FAM135A: variants seen among roughly 807,000 people sequenced by gnomAD.
FAM135A encodes family with sequence similarity 135 member A.
FAM135A carries 79 observed loss-of-function variants against 146.8 expected under a neutral mutation model. The observed-to-expected ratio is 0.54, with a 90% CI of 0.45 to 0.65. The LOEUF is 0.65. FAM135A is among the 30% of genes least tolerant of loss of function. The probability of loss-of-function intolerance (pLI) is 0.00; values close to 1 mark genes in which losing one functional copy is unlikely to be tolerated. For synonymous variants in FAM135A, 562 were observed against 603.6 expected (o/e 0.93, Z 1.01); for missense variants, 1,623 against 1,758.2 (o/e 0.92, Z 1.38).
intron 5 of FAM135A, among the ~76,000 whole-genome samples, chr6:70,455,862 A>AT (rs965304252): frequency 6.6e-6 from 1 of 151,950 alleles, no homozygotes; most frequent in African/African-American, 2.4e-5. Flanking sequence ...ATATTAATTC[A>AT]TTTTTTTTGA....
At chr6:70,552,454 A>G (rs564717594) in intron 20 of FAM135A, among the ~76,000 whole-genome samples, 2 of 144,566 alleles carry the variant, frequency 1.4e-5, no homozygotes, top group East Asian at 4.1e-4. Flanking sequence ...AAGGGGGAAT[A>G]GTTGAAGATT....
intron 12 of FAM135A, among the ~76,000 whole-genome samples, chr6:70,505,144 A>G (rs1383984970): frequency 1.3e-5 from 2 of 152,248 alleles, no homozygotes; most frequent in East Asian, 1.9e-4. Flanking sequence ...TGATAATTAT[A>G]GACATAGTAT....
chr6:70,436,956 CTAAG>C (rs1773305961), intron 4 of FAM135A, among the ~76,000 whole-genome samples: 1 of 152,038 alleles, frequency 6.6e-6, no homozygotes, highest in Non-Finnish European at 1.5e-5. Flanking sequence ...CTTTAAAGGA[CTAAG>C]TGTTATTATG....
intron 2 of FAM135A, among the ~76,000 whole-genome samples, chr6:70,419,418 CAAAAA>C (rs3029152): frequency 6.8e-6 from 1 of 146,030 alleles, no homozygotes; most frequent in African/African-American, 2.5e-5. Context: ...GACTTCGTCT[CAAAAA>C]AAAAAAAAAA....
intron 5 of FAM135A, among the ~76,000 whole-genome samples, chr6:70,468,327 TACATTTATCTACTTTCCAATATAATGG>T (rs1399099222): frequency 6.6e-6 from 1 of 152,212 alleles, no homozygotes. Flanking sequence ...GAACATACAG[TACATTTATCTACTTTCCAATATAATGG>T]ACAGTGCAAA....
chr6:70,510,527 A>G (rs1018725365), intron 12 of FAM135A, among the ~76,000 whole-genome samples: 1 of 152,106 alleles, frequency 6.6e-6, no homozygotes, highest in East Asian at 1.9e-4. Context: ...ATGTAATCAT[A>G]CAACATTTTG....
At chr6:70,529,995 C>T (rs370987076) in intron 16 of FAM135A, among the ~76,000 whole-genome samples, 20 of 151,910 alleles carry the variant, frequency 1.3e-4, no homozygotes, top group East Asian at 9.7e-4. Context: ...ACCTGGGAGG[C>T]GGAGCTTGCG....
intron 18 of FAM135A, among the ~76,000 whole-genome samples, chr6:70,534,579 T>G (rs1049072272): frequency 1.3e-5 from 2 of 152,116 alleles, no homozygotes; most frequent in African/African-American, 2.4e-5. Context: ...CCCAAAGTGC[T>G]GGGATTACAG....
At chr6:70,526,764 C>CAT in intron 15 of FAM135A, 66 bp downstream of exon 15, 1 of 594,104 alleles carries the variant, frequency 1.7e-6, no homozygotes. Flanking sequence ...CACACACACA[C>CAT]ATACACACAC....
chr6:70,423,414 A>G (rs151257094), intron 2 of FAM135A, among the ~76,000 whole-genome samples: 1 of 152,250 alleles, frequency 6.6e-6, no homozygotes, highest in East Asian at 1.9e-4. Context: ...CGAGACATGA[A>G]AGTCTGAGCA....
chr6:70,554,371 G>C (rs1000840897), intron 20 of FAM135A, among the ~76,000 whole-genome samples: 1 of 152,176 alleles, frequency 6.6e-6, no homozygotes, highest in African/African-American at 2.4e-5. Flanking sequence ...GGTCAAATAA[G>C]ATGAGGCCTG....
At chr6:70,502,234 G>GA (rs1206417888) in intron 11 of FAM135A, among the ~76,000 whole-genome samples, 1 of 152,022 alleles carries the variant, frequency 6.6e-6, no homozygotes, top group Non-Finnish European at 1.5e-5. Context: ...GCTAATTGGG[G>GA]AAAAAATCTG....
chr6:70,438,914 T>G (rs1194166389), intron 4 of FAM135A, among the ~76,000 whole-genome samples: 1 of 152,134 alleles, frequency 6.6e-6, no homozygotes, highest in Admixed American at 6.6e-5. Flanking sequence ...CCCAGTACTT[T>G]GGGAAGCTGA....
intron 8 of FAM135A, among the ~76,000 whole-genome samples, chr6:70,479,008 C>T (rs1783180675): frequency 6.6e-6 from 1 of 151,986 alleles, no homozygotes; most frequent in African/African-American, 2.4e-5. Context: ...AAATGTTTAT[C>T]TGTTTATAAA....
chr6:70,524,637 T>C lies in FAM135A; in HGVS notation c.1553T>C (p.Val518Ala), dbSNP rs1254985352. The C allele has an allele frequency of 3.9e-6, 6 of 1,549,220 alleles. No individual in the cohort carries two copies. Among genetic ancestry groups the C allele is most frequent in the Non-Finnish European group, 5.2e-6 (6 of 1,146,294 alleles). The change falls in exon 15 of 22, where the codon GTG (valine) becomes GCG (alanine). Residue 518 changes from valine to alanine, a missense_variant. Val to Ala is a moderately conservative substitution (Grantham distance 64, BLOSUM62 0). Transcript: ENST00000418814. ...KLIKQNSKDS[V>A]VLVGYKCLKS... Reference sequence around the variant, plus strand: ...ATAAAACAGAACTCTAAGGATTCTGTGGTTTTGGTAGGCTACAAATGTTTG... The same window carrying C: ...ATAAAACAGAACTCTAAGGATTCTGCGGTTTTGGTAGGCTACAAATGTTTG...
chr6:70,417,040 A>T (rs1459523581), intron 2 of FAM135A, among the ~76,000 whole-genome samples: 1 of 152,180 alleles, frequency 6.6e-6, no homozygotes, highest in Non-Finnish European at 1.5e-5. Context: ...AGTATCAGGC[A>T]TATTATACCA....
rs1191967805 is a variant in FAM135A, at chr6:70,524,401, G to T, written c.1317G>T (p.Met439Ile). ...TTCAGAGATCAGAGTCCAGTAAAAT[G>T]GATAAATATGAGACTGAAGAAAGCT... Reference protein sequence around the residue: ...QNLQRSESSKMDKYETEESSV... With the variant: ...QNLQRSESSKIDKYETEESSV... The change falls in exon 15 of 22, where the codon ATG becomes ATT. Residue 439 changes from methionine (M) to isoleucine (I), a missense_variant. Met to Ile is a conservative substitution (Grantham distance 10, BLOSUM62 1). Transcript: ENST00000418814. 3.3e-6 allele frequency: 5 copies of T among 1,521,692 alleles called. No homozygotes were observed. Among genetic ancestry groups the T allele is most frequent in the Non-Finnish European group, 3.5e-6 (4 of 1,139,478 alleles). 94.3% of individuals were successfully genotyped at this position (1,521,692 alleles called of 1,614,324 possible).
chr6:70,427,252 C>G (rs766335611), intron 3 of FAM135A, among the ~76,000 whole-genome samples: 1 of 152,016 alleles, frequency 6.6e-6, no homozygotes, highest in Non-Finnish European at 1.5e-5. Context: ...CAATTAATGG[C>G]CGGGGGCGGT....
chr6:70,466,561 G>A (rs558833119), intron 5 of FAM135A, among the ~76,000 whole-genome samples: 6 of 152,302 alleles, frequency 3.9e-5, no homozygotes, highest in South Asian at 2.1e-4. Flanking sequence ...GGAGATGTTC[G>A]TGGGCAAGGT....
Sources: gnomAD v4.1 joint callset for allele counts (sites outside exome capture counted in the v4.1 genomes callset) on GRCh38, gnomAD v4.1.1 for gene constraint, MANE v1.5 for transcripts, NCBI Gene and HGNC (gene_info 2026-07-23, HGNC 2026-07-21) for gene names.